Variants in ANKS1B observed in about 807,000 individuals in gnomAD.
ANKS1B encodes ankyrin repeat and sterile alpha motif domain-containing protein 1B.
Under a neutral mutation model 148.3 loss-of-function variants are expected in ANKS1B, and 36 were observed. The observed-to-expected ratio is 0.24, with a 90% CI of 0.19 to 0.32. The LOEUF is 0.32. ANKS1B is among the 10% of genes least tolerant of loss of function. The pLI is 1.00. For synonymous variants in ANKS1B, 542 were observed against 560.8 expected, an observed-to-expected ratio of 0.97 and a Z score of 0.47; for missense variants, 1,157 against 1,542.6, an observed-to-expected ratio of 0.75 and a Z score of 4.19.
chr12:99,457,715 A>G (rs2095870071), intron 10 of ANKS1B, among the ~76,000 whole-genome samples: 1 of 152,172 alleles, frequency 6.6e-6, no homozygotes, highest in African/African-American at 2.4e-5. Context: ...GACTAGTCCA[A>G]TAGGAAAACA....
chr12:99,756,060 T>G (rs1202562021), intron 8 of ANKS1B, among the ~76,000 whole-genome samples: 1 of 152,042 alleles, frequency 6.6e-6, no homozygotes, highest in Non-Finnish European at 1.5e-5. Flanking sequence ...CTCTCACCAC[T>G]TCTATTCAAC....
rs116406555 is a variant in ANKS1B, at chr12:99,416,910, C to T, written c.1576-17099G>A. 6.9e-3 allele frequency among the ~76,000 whole-genome samples: 1,051 copies of T among 152,126 alleles called. 15 individuals are homozygous for T. The highest frequency in any genetic ancestry group is 0.024 in the African/African-American group (1,003 of 41,472). ...ACCTTATTCTTTGATAGAGCATAAA[C>T]AGAGGTGGGGAGGGAGACAGTGCAA... is the stretch of plus-strand genomic sequence containing the variant. On this transcript the variant is annotated intron_variant, in intron 11 of 26. Coordinates refer to ENST00000683438, the MANE Select transcript of ANKS1B (RefSeq NM_001352186.2).
chr12:99,494,570 A>G (rs1211823202), intron 10 of ANKS1B, among the ~76,000 whole-genome samples: 1 of 151,712 alleles, frequency 6.6e-6, no homozygotes, highest in Non-Finnish European at 1.5e-5. Context: ...CATCTCTACT[A>G]AAAATACAAA....
intron 12 of ANKS1B, among the ~76,000 whole-genome samples, chr12:99,352,319 G>A (rs1351709579): frequency 2.0e-5 from 3 of 151,914 alleles, no homozygotes; most frequent in Non-Finnish European, 4.4e-5. Flanking sequence ...GAATGTGTAC[G>A]TTCTCATAAT....
At chr12:99,699,590 G>A (rs1470253839) in intron 8 of ANKS1B, among the ~76,000 whole-genome samples, 1 of 152,142 alleles carries the variant, frequency 6.6e-6, no homozygotes, top group African/African-American at 2.4e-5. Context: ...GAGTCTTCTT[G>A]TATTGCTGTT....
intron 17 of ANKS1B, among the ~76,000 whole-genome samples, chr12:98,935,122 C>A (rs1470636267): frequency 1.3e-5 from 2 of 152,076 alleles, no homozygotes; most frequent in Non-Finnish European, 2.9e-5. Context: ...AACCACATAT[C>A]ACCTTAATTA....
At chr12:99,811,945 C>T (rs2068426419) in intron 3 of ANKS1B, among the ~76,000 whole-genome samples, 1 of 151,784 alleles carries the variant, frequency 6.6e-6, no homozygotes, top group Non-Finnish European at 1.5e-5. Context: ...GTAGGATTTT[C>T]CCATTAACAA....
chr12:99,069,426 C>T (rs548168103), intron 16 of ANKS1B, among the ~76,000 whole-genome samples: 1 of 152,272 alleles, frequency 6.6e-6, no homozygotes, highest in South Asian at 2.1e-4. Flanking sequence ...GATACATTTA[C>T]CTCTTAGTAT....
At chr12:99,009,994 A>C (rs1461184931) in intron 17 of ANKS1B, among the ~76,000 whole-genome samples, 2 of 152,196 alleles carry the variant, frequency 1.3e-5, no homozygotes, top group Non-Finnish European at 2.9e-5. Context: ...TGTTGGAGGT[A>C]ATAGACATTA....
At chr12:98,812,050 G>A (rs2099100862) in intron 19 of ANKS1B, among the ~76,000 whole-genome samples, 1 of 151,988 alleles carries the variant, frequency 6.6e-6, no homozygotes, top group Non-Finnish European at 1.5e-5. Flanking sequence ...ACATTTTTTA[G>A]ATGTTATAAC....
intron 17 of ANKS1B, among the ~76,000 whole-genome samples, chr12:98,986,868 C>T (rs2099923737): frequency 6.6e-6 from 1 of 152,086 alleles, no homozygotes; most frequent in African/African-American, 2.4e-5. Context: ...ATCCTCCTGC[C>T]TTGGCCTCCG....
At chr12:98,774,610 TTTAG>T (rs1312146962) in intron 24 of ANKS1B, among the ~76,000 whole-genome samples, 1 of 152,230 alleles carries the variant, frequency 6.6e-6, no homozygotes, top group African/African-American at 2.4e-5. Context: ...CCCTCGATGC[TTTAG>T]TTACTCTAAT....
chr12:98,791,487 C>G (rs2098851799), intron 22 of ANKS1B, among the ~76,000 whole-genome samples: 1 of 152,208 alleles, frequency 6.6e-6, no homozygotes, highest in Non-Finnish European at 1.5e-5. Flanking sequence ...TTCACTATGA[C>G]TCACGCAGTA....
chr12:99,861,558 T>C (rs980525313), intron 1 of ANKS1B, among the ~76,000 whole-genome samples: 3 of 152,190 alleles, frequency 2.0e-5, no homozygotes, highest in Non-Finnish European at 4.4e-5. Flanking sequence ...GGTTATATTT[T>C]TTTCAGATTA....
chr12:99,113,334 T>C (rs1600265624), intron 15 of ANKS1B, among the ~76,000 whole-genome samples: 2 of 152,208 alleles, frequency 1.3e-5, no homozygotes, highest in East Asian at 1.9e-4. Context: ...CCGTTTGATA[T>C]GACTTAGGGT....
At chr12:99,170,541 T>C (rs1434912840) in intron 14 of ANKS1B, among the ~76,000 whole-genome samples, 1 of 152,170 alleles carries the variant, frequency 6.6e-6, no homozygotes, top group Non-Finnish European at 1.5e-5. Flanking sequence ...CGTAGGGATA[T>C]ATTGTTATCT....
chr12:99,576,259 A>G (rs188992504), intron 9 of ANKS1B, among the ~76,000 whole-genome samples: 2 of 147,762 alleles, frequency 1.4e-5, no homozygotes, highest in African/African-American at 5.0e-5. Flanking sequence ...ACAAATTATT[A>G]CAGACCTACA....
intron 14 of ANKS1B, among the ~76,000 whole-genome samples, chr12:99,222,817 G>A (rs1455265626): frequency 2.0e-5 from 3 of 152,116 alleles, no homozygotes; most frequent in African/African-American, 7.2e-5. Flanking sequence ...TTTTAGCACT[G>A]AAAGTGGGTA....
chr12:99,099,417 C>T (rs2057313434), intron 15 of ANKS1B, among the ~76,000 whole-genome samples: 1 of 152,242 alleles, frequency 6.6e-6, no homozygotes, highest in Non-Finnish European at 1.5e-5. Context: ...ATCCAGGACA[C>T]TGTGGTAGTC....
Sources: gnomAD v4.1 joint callset for allele counts (sites outside exome capture counted in the v4.1 genomes callset) on GRCh38, gnomAD v4.1.1 for gene constraint, MANE v1.5 for transcripts, NCBI Gene and HGNC (gene_info 2026-07-23, HGNC 2026-07-21) for gene names.